The following PDE4B variants were observed in gnomAD, a reference collection of about 807,000 sequenced individuals.
The protein encoded by PDE4B is 3',5'-cyclic-AMP phosphodiesterase 4B.
PDE4B carries 20 observed loss-of-function variants against 82.2 expected under a neutral mutation model. The ratio of observed to expected loss-of-function variants is 0.24; its 90% CI spans 0.17 to 0.35. The LOEUF is 0.35. Ranked by LOEUF, PDE4B falls within the 10% of genes least tolerant of loss-of-function variation. PDE4B has a pLI of 1.00. For missense variants in PDE4B, 655 were observed against 907.2 expected (o/e 0.72, Z 3.57); for synonymous variants, 320 against 318.9 (o/e 1.00, Z -0.04).
chr1:66,298,895 A>T (rs1351570118), intron 7 of PDE4B, among the ~76,000 whole-genome samples: 1 of 152,146 alleles, frequency 6.6e-6, no homozygotes, highest in Non-Finnish European at 1.5e-5. Context: ...TGCTCATAGT[A>T]GTCATTCTGT....
chr1:66,194,296 T>C (rs1421122512), intron 3 of PDE4B, among the ~76,000 whole-genome samples: 1 of 152,166 alleles, frequency 6.6e-6, no homozygotes, highest in Non-Finnish European at 1.5e-5. Context: ...CCCACAATAC[T>C]ATCTAATAGC....
intron 3 of PDE4B, among the ~76,000 whole-genome samples, chr1:66,154,305 G>A (rs1167179740): frequency 1.3e-5 from 2 of 152,184 alleles, no homozygotes; most frequent in African/African-American, 2.4e-5. Context: ...CAAACACACC[G>A]TGGAATGTTC....
Position 66,288,865 on chromosome 1 carries a change from A to G in PDE4B, c.634+22778A>G, listed in dbSNP as rs114371966. 6.9e-3 allele frequency among the ~76,000 whole-genome samples: 1,058 copies of G among 152,304 alleles called. 12 individuals are homozygous for G. The highest frequency in any genetic ancestry group is 0.025 in the African/African-American group (1,026 of 41,562). On this transcript the variant is annotated intron_variant, in intron 7 of 16. Transcript: ENST00000341517. ...TCCACCATCAGCAGGACTTGGCACC[A>G]GTTTCTGGGAGAATAATTTGTCATG...
At chr1:66,068,348 A>G (rs1183310951) in intron 3 of PDE4B, among the ~76,000 whole-genome samples, 1 of 152,008 alleles carries the variant, frequency 6.6e-6, no homozygotes, top group Non-Finnish European at 1.5e-5. Flanking sequence ...AGAGTTGTGT[A>G]GCAGATATTA....
chr1:66,125,580 C>T (rs1645806247), intron 3 of PDE4B, among the ~76,000 whole-genome samples: 1 of 152,190 alleles, frequency 6.6e-6, no homozygotes, highest in Non-Finnish European at 1.5e-5. Flanking sequence ...GTTTTGGACA[C>T]TGTAGGAACT....
At chr1:66,317,000 C>T (rs1038874440) in intron 7 of PDE4B, among the ~76,000 whole-genome samples, 10 of 152,164 alleles carry the variant, frequency 6.6e-5, no homozygotes, top group African/African-American at 2.2e-4. Flanking sequence ...ACAGTGTTGG[C>T]TTCTTTCTCT....
chr1:66,031,686 A>G (rs1047556509), intron 3 of PDE4B, among the ~76,000 whole-genome samples: 1 of 152,178 alleles, frequency 6.6e-6, no homozygotes, highest in African/African-American at 2.4e-5. Flanking sequence ...TGAACCCCAT[A>G]TGGTTCTGGT....
chr1:65,818,998 G>A (rs1342466316), intron 1 of PDE4B, among the ~76,000 whole-genome samples: 1 of 152,108 alleles, frequency 6.6e-6, no homozygotes, highest in Non-Finnish European at 1.5e-5. Context: ...CCCATTGTGA[G>A]TGTGGTGCTC....
intron 8 of PDE4B, among the ~76,000 whole-genome samples, chr1:66,336,811 T>G (rs1346841060): frequency 6.6e-6 from 1 of 152,194 alleles, no homozygotes; most frequent in Non-Finnish European, 1.5e-5. Flanking sequence ...AGGCTTATTT[T>G]TCCAGTTCTT....
intron 3 of PDE4B, among the ~76,000 whole-genome samples, chr1:65,969,188 G>A (rs1301830368): frequency 6.6e-6 from 1 of 152,128 alleles, no homozygotes; most frequent in African/African-American, 2.4e-5. Context: ...TCTTGGGTAT[G>A]GATGAATTGG....
intron 3 of PDE4B, among the ~76,000 whole-genome samples, chr1:66,201,114 T>C (rs982275807): frequency 4.6e-5 from 7 of 152,218 alleles, no homozygotes; most frequent in African/African-American, 1.7e-4. Context: ...CATGTGGTTT[T>C]TGTCTTTGGT....
At chr1:65,940,654 C>T (rs1648395888) in intron 3 of PDE4B, among the ~76,000 whole-genome samples, 1 of 152,046 alleles carries the variant, frequency 6.6e-6, no homozygotes, top group South Asian at 2.1e-4. Flanking sequence ...GAAAAGAAGT[C>T]TTCAAGAATC....
At chr1:65,970,326 T>A (rs1364503200) in intron 3 of PDE4B, among the ~76,000 whole-genome samples, 1 of 152,110 alleles carries the variant, frequency 6.6e-6, no homozygotes, top group Non-Finnish European at 1.5e-5. Context: ...CATTTTGGAC[T>A]ACATGTCCAG....
intron 3 of PDE4B, among the ~76,000 whole-genome samples, chr1:66,058,997 C>T (rs1225452285): frequency 6.6e-6 from 1 of 152,172 alleles, no homozygotes; most frequent in Non-Finnish European, 1.5e-5. Flanking sequence ...TGCTCTGCAT[C>T]CTTTATAAAA....
Position 66,197,840 on chromosome 1 carries a change from G to C in PDE4B, c.282-49620G>C, listed in dbSNP as rs180839635. ...ATGCACTAGCATTTAATTTGAGAGAGAGAAAAAAAAGAAGACCCTACTGCT... is the reference window on the plus strand; with the variant it reads ...ATGCACTAGCATTTAATTTGAGAGACAGAAAAAAAAGAAGACCCTACTGCT... On this transcript the variant is annotated intron_variant, in intron 3 of 16. Transcript: ENST00000341517. Among the ~76,000 whole-genome samples the C allele has an allele frequency of 1.6e-4, 25 of 152,110 alleles. No individual in the cohort carries two copies. The East Asian group carries it at 4.6e-3, about 28-fold the overall frequency.
chr1:66,056,170 A>G (rs534139820), intron 3 of PDE4B, among the ~76,000 whole-genome samples: 18 of 152,346 alleles, frequency 1.2e-4, no homozygotes, highest in Middle Eastern at 6.8e-3. Context: ...GCAATAAGAA[A>G]TAGCTGGGAA....
intron 3 of PDE4B, among the ~76,000 whole-genome samples, chr1:66,115,642 G>A (rs1050436019): frequency 1.3e-5 from 2 of 152,188 alleles, no homozygotes; most frequent in Non-Finnish European, 2.9e-5. Context: ...AGGCACATTC[G>A]CTGTCTGAAA....
In PDE4B at chr1:66,368,085, G is replaced by T; in HGVS notation, c.1662+20G>T. 6.2e-7 allele frequency: 1 copy of T among 1,609,914 alleles called. No individual in the cohort carries two copies. Among genetic ancestry groups the T allele is most frequent in the Non-Finnish European group, 8.5e-7 (1 of 1,178,660 alleles). ...ATTCAGGTATTTGAGGAAAGTCTTTGATTTAACACAAAACCAAACCAAACT... is the reference window on the plus strand; with the variant it reads ...ATTCAGGTATTTGAGGAAAGTCTTTTATTTAACACAAAACCAAACCAAACT... On this transcript the variant is annotated intron_variant, in intron 15 of 16. Coordinates refer to ENST00000341517, the MANE Select transcript of PDE4B (RefSeq NM_002600.4).
chr1:66,084,089 C>T (rs890733239), intron 3 of PDE4B, among the ~76,000 whole-genome samples: 3 of 151,916 alleles, frequency 2.0e-5, no homozygotes, highest in Non-Finnish European at 4.4e-5. Flanking sequence ...AAAGGGTAAG[C>T]CTTAATTCAA....
Sources: allele counts gnomAD v4.1 joint callset (sites outside exome capture counted in the v4.1 genomes callset), GRCh38; gene constraint gnomAD v4.1.1; transcripts MANE v1.5; gene names NCBI Gene and HGNC (gene_info 2026-07-23, HGNC 2026-07-21).